AP3B1: variants seen among roughly 807,000 people sequenced by gnomAD.
AP3B1 encodes the protein AP-3 complex subunit beta-1.
A neutral mutation model predicts 132.5 loss-of-function variants in AP3B1; 61 were observed. The observed-to-expected ratio is 0.46, with a 90% CI of 0.37 to 0.57. The LOEUF (loss-of-function observed/expected upper bound fraction) is 0.57. Among genes scored for constraint, AP3B1 ranks in the 20% least tolerant of loss-of-function variants. The probability of loss-of-function intolerance (pLI) is 0.00; values close to 1 mark genes in which losing one functional copy is unlikely to be tolerated. For synonymous variants in AP3B1, 388 were observed against 438.3 expected (o/e 0.89, Z 1.43); for missense variants, 1,120 against 1,289.4 (o/e 0.87, Z 2.01).
At chr5:78,152,117 CCTT>C (rs1324726194) in intron 14 of AP3B1, among the ~76,000 whole-genome samples, 1 of 133,976 alleles carries the variant, frequency 7.5e-6, no homozygotes, top group Non-Finnish European at 1.6e-5. Flanking sequence ...CCTTCCCTCT[CCTT>C]CTCCCTCTCC....
At chr5:78,247,759 G>C (rs1164668231) in intron 2 of AP3B1, among the ~76,000 whole-genome samples, 1 of 151,912 alleles carries the variant, frequency 6.6e-6, no homozygotes, top group Non-Finnish European at 1.5e-5. Flanking sequence ...GAGCACAGTT[G>C]TATCTTCACA....
chr5:78,293,797 C>T (rs988890549), intron 1 of AP3B1, among the ~76,000 whole-genome samples: 3 of 151,958 alleles, frequency 2.0e-5, no homozygotes, highest in African/African-American at 7.2e-5. Context: ...GTTTAACATT[C>T]GTTTTTAAAA....
At chr5:78,074,642 A>C (rs1175065208) in intron 22 of AP3B1, among the ~76,000 whole-genome samples, 1 of 152,172 alleles carries the variant, frequency 6.6e-6, no homozygotes, top group Non-Finnish European at 1.5e-5. Flanking sequence ...AATGGAAAAA[A>C]AAAATTTTTT....
chr5:78,165,537 G>A, intron 12 of AP3B1, 73 bp downstream of exon 12: 1 of 1,010,694 alleles, frequency 9.9e-7, no homozygotes, highest in South Asian at 1.4e-5. Context: ...CATATTTCTA[G>A]ATAGAAAAAG....
At chr5:78,157,839 T>C (rs560076934) in intron 13 of AP3B1, among the ~76,000 whole-genome samples, 167 of 152,166 alleles carry the variant, frequency 1.1e-3, no homozygotes, top group African/African-American at 3.7e-3. Context: ...AACTTCCACC[T>C]CCCAGATTCA....
intron 22 of AP3B1, among the ~76,000 whole-genome samples, chr5:78,081,274 G>A (rs144474153): frequency 9.9e-5 from 15 of 151,304 alleles, no homozygotes; most frequent in Admixed American, 2.0e-4. Flanking sequence ...AATTCCTGCC[G>A]AGCCTATTTT....
rs531574040 is a variant in AP3B1 at position 78,072,882 on chromosome 5, C to T, written c.2577+16511G>A. Among the ~76,000 whole-genome samples the T allele has an allele frequency of 5.3e-5, 8 of 151,752 alleles. No homozygotes were observed. In the East Asian group the frequency reaches 7.8e-4, roughly 15 times the overall value. ...GATTAAAGGCACAAGCCACCATGCCCGGCAAATTTTTGTATTTTTAGTAGA... is the reference window on the plus strand; with the variant it reads ...GATTAAAGGCACAAGCCACCATGCCTGGCAAATTTTTGTATTTTTAGTAGA... On this transcript the variant is annotated intron_variant, in intron 22 of 26. Coordinates refer to ENST00000255194, the MANE Select transcript of AP3B1 (RefSeq NM_003664.5).
At chr5:78,042,737 C>A in intron 22 of AP3B1, 1 of 161,000 alleles carries the variant, frequency 6.2e-6, no homozygotes, top group Non-Finnish European at 1.4e-5. Flanking sequence ...AGTTGAGATA[C>A]TCTTATATCA....
intron 19 of AP3B1, among the ~76,000 whole-genome samples, 169 bp downstream of exon 19, chr5:78,113,583 T>C (rs1434815807): frequency 1.3e-5 from 2 of 152,194 alleles, no homozygotes; most frequent in Non-Finnish European, 2.9e-5. Context: ...GCATTACAAG[T>C]AGGAAAATAA....
At chr5:78,140,148 G>A (rs967837262) in intron 15 of AP3B1, among the ~76,000 whole-genome samples, 1 of 152,022 alleles carries the variant, frequency 6.6e-6, no homozygotes, top group African/African-American at 2.4e-5. Flanking sequence ...TTTCGTACAT[G>A]GAAGCAAAAA....
chr5:78,169,585 C>A (rs771446532), intron 11 of AP3B1, among the ~76,000 whole-genome samples: 1 of 151,930 alleles, frequency 6.6e-6, no homozygotes, highest in Non-Finnish European at 1.5e-5. Context: ...TCGGCCACCA[C>A]GCCTGGCTAA....
rs55792888 is a variant in AP3B1 at position 78,189,869 on chromosome 5, C to CAAATAAAATAAAATA, written c.787-8222_787-8208dup. ...TGGATGACAGAGCAAGACTCCATCT[C>CAAATAAAATAAAATA]AAATAAAATAAAATAAAATAAAATA... On this transcript the variant is annotated intron_variant, in intron 7 of 26. Transcript: ENST00000255194. Among the ~76,000 whole-genome samples the CAAATAAAATAAAATA allele has an allele frequency of 2.6e-3, 269 of 102,332 alleles. 5 individuals carry two copies. The East Asian group carries it at 0.028, about 11-fold the overall frequency. 67.1% of individuals were successfully genotyped at this position (102,332 alleles called of 152,430 possible).
intron 23 of AP3B1, among the ~76,000 whole-genome samples, chr5:78,036,457 T>C (rs926704201): frequency 6.6e-5 from 10 of 152,114 alleles, no homozygotes; most frequent in Non-Finnish European, 8.8e-5. Flanking sequence ...TGAAATCATA[T>C]AGGATGCCAT....
At chr5:78,235,983 A>G (rs903091515) in intron 3 of AP3B1, among the ~76,000 whole-genome samples, 8 of 152,228 alleles carry the variant, frequency 5.3e-5, no homozygotes, top group African/African-American at 2.4e-5. Context: ...ATTTCTGAAC[A>G]TAAGTTTTAA....
intron 21 of AP3B1, among the ~76,000 whole-genome samples, chr5:78,098,685 C>T (rs946456374): frequency 1.3e-5 from 2 of 152,180 alleles, no homozygotes; most frequent in Non-Finnish European, 2.9e-5. Flanking sequence ...AACAATGCTG[C>T]AATGAAATTT....
At chr5:78,083,672 A>C (rs1750109241) in intron 22 of AP3B1, among the ~76,000 whole-genome samples, 1 of 152,244 alleles carries the variant, frequency 6.6e-6, no homozygotes, top group Non-Finnish European at 1.5e-5. Flanking sequence ...AGTCTCTGGC[A>C]AGACTAAAAC....
intron 7 of AP3B1, among the ~76,000 whole-genome samples, chr5:78,210,530 C>T (rs1237404667): frequency 6.6e-6 from 1 of 152,028 alleles, no homozygotes; most frequent in African/African-American, 2.4e-5. Flanking sequence ...TTAATTACTC[C>T]AAATTTTAAA....
chr5:78,044,999 G>A (rs570079580), intron 22 of AP3B1, among the ~76,000 whole-genome samples: 1 of 152,136 alleles, frequency 6.6e-6, no homozygotes, highest in Non-Finnish European at 1.5e-5. Flanking sequence ...ATAATTCCCA[G>A]AGGTCTATGC....
At chr5:78,166,875 A>G (rs1360041620) in intron 11 of AP3B1, among the ~76,000 whole-genome samples, 1 of 152,250 alleles carries the variant, frequency 6.6e-6, no homozygotes, top group African/African-American at 2.4e-5. Flanking sequence ...TAAATCTAAG[A>G]CCTGAAACCA....
Sources: gnomAD v4.1 joint callset for allele counts (sites outside exome capture counted in the v4.1 genomes callset) on GRCh38, gnomAD v4.1.1 for gene constraint, MANE v1.5 for transcripts, NCBI Gene and HGNC (gene_info 2026-07-23, HGNC 2026-07-21) for gene names.